The following KRAS variants were observed in gnomAD, a reference collection of about 807,000 sequenced individuals.
The protein encoded by KRAS is GTPase KRas.
A neutral mutation model predicts 21.0 loss-of-function variants in KRAS; 1 was observed. That is an observed-to-expected ratio of 0.05 (90% confidence interval 0.02 to 0.23). KRAS has a LOEUF of 0.23. Among genes scored for constraint, KRAS ranks in the 10% least tolerant of loss-of-function variants. The probability of loss-of-function intolerance (pLI) is 1.00; values close to 1 mark genes in which losing one functional copy is unlikely to be tolerated. For synonymous variants in KRAS, 67 were observed against 72.5 expected (o/e 0.92, Z 0.39); for missense variants, 107 against 221.8 (o/e 0.48, Z 3.29).
rs1951178899 is a variant in KRAS, at chr12:25,209,340, A to G, written c.*455T>C. On this transcript the variant is annotated 3_prime_UTR_variant, in exon 5 of 5. Transcript: ENST00000311936. Reference sequence around the variant, plus strand: ...TAGAAGAATCATCATCAGGAAGCCCATAAATTTGTGTTCCCTCAATGTTTC... The same window carrying G: ...TAGAAGAATCATCATCAGGAAGCCCGTAAATTTGTGTTCCCTCAATGTTTC... 1 of 601,464 alleles carries G rather than the reference A, an allele frequency of 1.7e-6. No individual in the cohort carries two copies. The highest frequency in any genetic ancestry group is 2.9e-6 in the Non-Finnish European group (1 of 348,526). The allele number at this position is 601,464 out of a possible 1,614,324, so 37.3% of individuals were successfully genotyped here.
chr12:25,249,451 C>T (rs537213034), intron 1 of KRAS, among the ~76,000 whole-genome samples: 1 of 147,286 alleles, frequency 6.8e-6, no homozygotes, highest in Non-Finnish European at 1.5e-5. Context: ...ATTAGCTGGG[C>T]ATGGTGGCGT....
intron 2 of KRAS, among the ~76,000 whole-genome samples, chr12:25,231,048 A>G (rs530070721): frequency 6.6e-6 from 1 of 151,828 alleles, no homozygotes; most frequent in African/African-American, 2.4e-5. Context: ...GAGCATGTAA[A>G]GCTGACCAAA....
chr12:25,232,357 T>A (rs1290353415), intron 2 of KRAS, among the ~76,000 whole-genome samples: 2 of 152,212 alleles, frequency 1.3e-5, no homozygotes, highest in African/African-American at 4.8e-5. Flanking sequence ...TATGGCCCTT[T>A]ATAGAAAAGT....
At chr12:25,210,137 A>G (rs1426263264) in intron 4 of KRAS, among the ~76,000 whole-genome samples, 1 of 152,204 alleles carries the variant, frequency 6.6e-6, no homozygotes, top group East Asian at 1.9e-4. Context: ...ACAAAAGACA[A>G]GGATAACCAA....
chr12:25,247,069 T>G (rs1255236736), intron 1 of KRAS, among the ~76,000 whole-genome samples: 3 of 152,210 alleles, frequency 2.0e-5, no homozygotes, highest in Non-Finnish European at 2.9e-5. Flanking sequence ...TATTTTTTAG[T>G]TAGTTGTTTC....
At chr12:25,232,170 A>G (rs905797099) in intron 2 of KRAS, among the ~76,000 whole-genome samples, 27 of 152,218 alleles carry the variant, frequency 1.8e-4, no homozygotes, top group Non-Finnish European at 2.6e-4. Flanking sequence ...AAGAAAAAAA[A>G]ATATGCATCA....
At chr12:25,224,082 G>T (rs1459231221) in intron 4 of KRAS, among the ~76,000 whole-genome samples, 1 of 148,534 alleles carries the variant, frequency 6.7e-6, no homozygotes, top group East Asian at 2.0e-4. Context: ...CATTGCTCAC[G>T]TGTTTGTGGT....
At chr12:25,234,754 T>C (rs553626663) in intron 2 of KRAS, 122 of 192,974 alleles carry the variant, frequency 6.3e-4, no homozygotes, top group Non-Finnish European at 9.2e-4. Flanking sequence ...TTTGTCATTT[T>C]TCCATTATAA....
intron 4 of KRAS, among the ~76,000 whole-genome samples, chr12:25,213,244 G>A (rs1028786951): frequency 3.3e-5 from 5 of 152,070 alleles, no homozygotes; most frequent in African/African-American, 1.2e-4. Context: ...AGAAATTTTA[G>A]AATAGTACGT....
At chr12:25,241,470 T>C (rs1951609112) in intron 2 of KRAS, among the ~76,000 whole-genome samples, 1 of 152,274 alleles carries the variant, frequency 6.6e-6, no homozygotes, top group South Asian at 2.1e-4. Flanking sequence ...AATGTTTTAA[T>C]AGAAGACTGG....
intron 2 of KRAS, among the ~76,000 whole-genome samples, chr12:25,239,000 T>C (rs1354234484): frequency 1.3e-5 from 2 of 152,222 alleles, no homozygotes; most frequent in Non-Finnish European, 1.5e-5. Context: ...AGTCTGAGGG[T>C]CTATACTCCC....
chr12:25,226,546 T>C (rs1427170416), intron 3 of KRAS, among the ~76,000 whole-genome samples: 1 of 152,178 alleles, frequency 6.6e-6, no homozygotes, highest in African/African-American at 2.4e-5. Context: ...TACTAGACTA[T>C]ACAGTAAACA....
At position 25,206,822 on chromosome 12, in the gene KRAS, T is replaced by G. The variant is rs1293984146; in HGVS notation, c.*2973A>C. On this transcript the variant is annotated 3_prime_UTR_variant, in exon 5 of 5. Coordinates refer to ENST00000311936, the MANE Select transcript of KRAS (RefSeq NM_004985.5). Reference sequence around the variant, plus strand: ...TATTAATTTTTAAGTATATTTTAATTACTTATGCAGAGAAAACTGGAATAT... The same window carrying G: ...TATTAATTTTTAAGTATATTTTAATGACTTATGCAGAGAAAACTGGAATAT... The G allele has an allele frequency of 5.0e-6, 1 of 198,232 alleles. No homozygotes were observed. The highest frequency in any genetic ancestry group is 1.0e-5 in the Non-Finnish European group (1 of 95,982). The allele number at this position is 198,232 out of a possible 1,614,324, so 12.3% of individuals were successfully genotyped here.
intron 2 of KRAS, among the ~76,000 whole-genome samples, chr12:25,241,686 T>C (rs550477513): frequency 4.7e-4 from 71 of 152,314 alleles, no homozygotes; most frequent in African/African-American, 1.7e-3. Context: ...TCCCGTGCAC[T>C]GCAGGAAGTT....
intron 2 of KRAS, among the ~76,000 whole-genome samples, chr12:25,228,984 G>A (rs997310442): frequency 6.6e-6 from 1 of 152,096 alleles, no homozygotes; most frequent in Non-Finnish European, 1.5e-5. Flanking sequence ...GCTTGAACCC[G>A]GGAGGCGGAG....
rs752925099 is a variant in KRAS, at chr12:25,215,429, A to G, written c.451-5518T>C. On this transcript the variant is annotated intron_variant, in intron 4 of 4. Coordinates refer to ENST00000311936, the MANE Select transcript of KRAS (RefSeq NM_004985.5). Reference sequence around the variant, plus strand: ...CTGCCAAAATTAATGTGCTGAACTTAAACTTACCAGATTACATTATAATGC... The same window carrying G: ...CTGCCAAAATTAATGTGCTGAACTTGAACTTACCAGATTACATTATAATGC... The G allele has an allele frequency of 1.7e-5, 28 of 1,613,210 alleles. No individual in the cohort carries two copies. Among genetic ancestry groups the G allele is most frequent in the Non-Finnish European group, 2.4e-5 (28 of 1,179,612 alleles).
In KRAS at chr12:25,224,151, T is replaced by C. The variant is rs1370402772; in HGVS notation, c.450+1463A>G. On this transcript the variant is annotated intron_variant, in intron 4 of 4. Transcript: ENST00000311936. ...GTTGTATAATGGTATAGCACCTATATTGTTATTTTATAGTGTACTCCTCCT... is the reference window on the plus strand; with the variant it reads ...GTTGTATAATGGTATAGCACCTATACTGTTATTTTATAGTGTACTCCTCCT... Among the ~76,000 whole-genome samples, 4 of 145,376 alleles carry C rather than the reference T, an allele frequency of 2.8e-5. No homozygotes were observed. The East Asian group carries it at 7.9e-4, about 29-fold the overall frequency.
intron 4 of KRAS, among the ~76,000 whole-genome samples, chr12:25,218,119 T>G (rs1951275728): frequency 6.6e-6 from 1 of 151,854 alleles, no homozygotes; most frequent in African/African-American, 2.4e-5. Flanking sequence ...AATTTGAAAA[T>G]CAATGTAAGA....
intron 4 of KRAS, among the ~76,000 whole-genome samples, chr12:25,224,858 A>G (rs955366844): frequency 6.6e-6 from 1 of 152,164 alleles, no homozygotes; most frequent in Non-Finnish European, 1.5e-5. Context: ...TATTTCTTAG[A>G]AAGTATCCCT....
Sources: gnomAD v4.1 joint callset for allele counts (sites outside exome capture counted in the v4.1 genomes callset) on GRCh38, gnomAD v4.1.1 for gene constraint, MANE v1.5 for transcripts, NCBI Gene and HGNC (gene_info 2026-07-23, HGNC 2026-07-21) for gene names.